The following GALNT18 variants were observed in gnomAD, a reference collection of about 807,000 sequenced individuals.
GALNT18 encodes polypeptide N-acetylgalactosaminyltransferase 18.
GALNT18 carries 44 observed loss-of-function variants against 69.5 expected under a neutral mutation model. The observed-to-expected ratio is 0.63, with a 90% CI of 0.50 to 0.81. The LOEUF (loss-of-function observed/expected upper bound fraction) is 0.81, where lower values mean the gene tolerates loss of function less well. GALNT18 is among the 40% of genes least tolerant of loss of function. The pLI is 0.00. For synonymous variants in GALNT18, 364 were observed against 318.2 expected, an observed-to-expected ratio of 1.14 and a Z score of -1.53; for missense variants, 715 against 810.0, an observed-to-expected ratio of 0.88 and a Z score of 1.42.
At position 11,454,959 on chromosome 11, in the gene GALNT18, A is replaced by C. The variant is rs532371766; in HGVS notation, c.236-6023T>G. On this transcript the variant is annotated intron_variant, in intron 1 of 10. Coordinates refer to ENST00000227756, the MANE Select transcript of GALNT18 (RefSeq NM_198516.3). This position sits in a 1 kb window ranked among gnomAD's most constrained non-coding sequence, Gnocchi z 4.2. ...ATGACATTTCTGACATTAACAGGCAAACAGGCTGACTCCTTCCTCATTGTT... is the reference window on the plus strand; with the variant it reads ...ATGACATTTCTGACATTAACAGGCACACAGGCTGACTCCTTCCTCATTGTT... Among the ~76,000 whole-genome samples, 5 of 152,342 alleles carry C rather than the reference A, an allele frequency of 3.3e-5. No individual in the cohort carries two copies. Among genetic ancestry groups the C allele is most frequent in the South Asian group, 2.1e-4 (1 of 4,830 alleles).
In GALNT18 at chr11:11,598,455, C is replaced by T. The variant is rs1859554820; in HGVS notation, c.235+22904G>A. Among the ~76,000 whole-genome samples the T allele has an allele frequency of 2.0e-5, 3 of 152,160 alleles. No individual in the cohort carries two copies. The highest frequency in any genetic ancestry group is 6.5e-5 in the Admixed American group (1 of 15,274). On this transcript the variant is annotated intron_variant, in intron 1 of 10. Transcript: ENST00000227756. This position sits in a 1 kb window ranked among gnomAD's most constrained non-coding sequence, Gnocchi z 4.8. ...CATTCCTTGATTTGTGATTGCATCA[C>T]TCCAAAATCAGCCTTCATTTTCATG...
chr11:11,341,070 G>A lies in GALNT18; in HGVS notation c.1093-66C>T. 1.4e-6 allele frequency: 2 copies of A among 1,467,626 alleles called. No individual in the cohort carries two copies. The highest frequency in any genetic ancestry group is 1.8e-6 in the Non-Finnish European group (2 of 1,087,056). 90.9% of individuals were successfully genotyped at this position (1,467,626 alleles called of 1,614,324 possible). A position where few individuals can be genotyped will look rare whatever the true frequency, so the allele number is the denominator to read the frequency against. ...TCTGCCTTTCTACACCAGGCCTCAG[G>A]CAGCCACTTGACATGAGCAGGAAGA... is the stretch of plus-strand genomic sequence containing the variant. On this transcript the variant is annotated intron_variant, in intron 6 of 10. Coordinates refer to ENST00000227756, the MANE Select transcript of GALNT18 (RefSeq NM_198516.3). This position sits in a 1 kb window ranked among gnomAD's most constrained non-coding sequence, Gnocchi z 6.3.
At chr11:11,352,985 T>C (rs1167081460) in intron 6 of GALNT18, 1 of 1,614,124 alleles carries the variant, frequency 6.2e-7, no homozygotes, top group African/African-American at 1.3e-5. Context: ...TACCTCGGCC[T>C]AATTTTCGAA....
chr11:11,485,043 A>G (rs1367837642), intron 1 of GALNT18, among the ~76,000 whole-genome samples: 1 of 152,238 alleles, frequency 6.6e-6, no homozygotes, highest in African/African-American at 2.4e-5. Flanking sequence ...ACATGTGATC[A>G]TCATGCCAAT....
intron 9 of GALNT18, among the ~76,000 whole-genome samples, chr11:11,313,596 A>T (rs1367530293): frequency 6.6e-6 from 1 of 152,146 alleles, no homozygotes; most frequent in South Asian, 2.1e-4. Flanking sequence ...CTCTGTCTAG[A>T]GAACTTCCTG....
At chr11:11,390,428 G>A (rs769594340) in intron 3 of GALNT18, among the ~76,000 whole-genome samples, 1 of 152,176 alleles carries the variant, frequency 6.6e-6, no homozygotes, top group Non-Finnish European at 1.5e-5. Context: ...CATACACCAG[G>A]CAACCAGTGA....
Position 11,465,446 on chromosome 11 carries a change from CGG to C in GALNT18, c.236-16512_236-16511del, listed in dbSNP as rs1389812769. Among the ~76,000 whole-genome samples, 4 of 152,046 alleles carry C rather than the reference CGG, an allele frequency of 2.6e-5. No individual in the cohort carries two copies. Among genetic ancestry groups the C allele is most frequent in the Non-Finnish European group, 5.9e-5 (4 of 68,012 alleles). On this transcript the variant is annotated intron_variant, in intron 1 of 10. Coordinates refer to ENST00000227756, the MANE Select transcript of GALNT18 (RefSeq NM_198516.3). The surrounding 1 kb of genome is among the most constrained non-coding windows in gnomAD (Gnocchi z 5.7). ...GTGCTGCTCCTCCAGGCTGCACGGA[CGG>C]TGTCACGCTGCCCTCTGATCCTGGG... is the stretch of plus-strand genomic sequence containing the variant.
At position 11,584,395 on chromosome 11, in the gene GALNT18, T is replaced by C. The variant is rs759903891; in HGVS notation, c.235+36964A>G. Among the ~76,000 whole-genome samples the C allele has an allele frequency of 2.0e-5, 3 of 152,166 alleles. No individual in the cohort carries two copies. The highest frequency in any genetic ancestry group is 4.4e-5 in the Non-Finnish European group (3 of 68,030). ...AAAGTAAACAGGAACCTTGGAGCCA[T>C]CAGGTTACTGTTGGAAAGCTGATGG... On this transcript the variant is annotated intron_variant, in intron 1 of 10. Coordinates refer to ENST00000227756, the MANE Select transcript of GALNT18 (RefSeq NM_198516.3). This position sits in a 1 kb window ranked among gnomAD's most constrained non-coding sequence, Gnocchi z 4.1.
At chr11:11,295,443 G>A (rs77977674) in intron 9 of GALNT18, among the ~76,000 whole-genome samples, 7,407 of 151,666 alleles carry the variant, frequency 0.049, 197 homozygotes, top group Middle Eastern at 0.088. Flanking sequence ...TCACCAGAAC[G>A]TGTAAGAGAA....
chr11:11,614,828 A>C lies in GALNT18; in HGVS notation c.235+6531T>G, dbSNP rs12225713. ...TCTCCACCAACCTACTTATCAAGGG[A>C]AAATAACAATTTATGTCAAGTGAGT... is the stretch of plus-strand genomic sequence containing the variant. On this transcript the variant is annotated intron_variant, in intron 1 of 10. Coordinates refer to ENST00000227756, the MANE Select transcript of GALNT18 (RefSeq NM_198516.3). The surrounding 1 kb of genome is among the most constrained non-coding windows in gnomAD (Gnocchi z 5.6). Among the ~76,000 whole-genome samples the C allele has an allele frequency of 0.22, 33,156 of 152,028 alleles. 3,684 individuals carry two copies. Among genetic ancestry groups the C allele is most frequent in the African/African-American group, 0.26 (10,669 of 41,510 alleles).
In GALNT18 at chr11:11,542,176, C is replaced by G. The variant is rs1457320658; in HGVS notation, c.235+79183G>C. Among the ~76,000 whole-genome samples, 1 of 152,182 alleles carries G rather than the reference C, an allele frequency of 6.6e-6. No individual in the cohort carries two copies. Among genetic ancestry groups the G allele is most frequent in the Non-Finnish European group, 1.5e-5 (1 of 68,036 alleles). On this transcript the variant is annotated intron_variant, in intron 1 of 10. Transcript: ENST00000227756. The surrounding 1 kb of genome is among the most constrained non-coding windows in gnomAD (Gnocchi z 4.3). ...AAGCTTATTTACTGACCATTAAAGACTTTGCCCAAAGGCTGTGGCTGCGTC... is the reference window on the plus strand; with the variant it reads ...AAGCTTATTTACTGACCATTAAAGAGTTTGCCCAAAGGCTGTGGCTGCGTC...
intron 3 of GALNT18, among the ~76,000 whole-genome samples, chr11:11,401,325 TC>T (rs1225598119): frequency 6.6e-6 from 1 of 152,210 alleles, no homozygotes; most frequent in African/African-American, 2.4e-5. Flanking sequence ...AAACTCATGA[TC>T]AACCTCCTGG....
Position 11,621,708 on chromosome 11 carries a change from T to A in GALNT18, c.-115A>T. ...CGGAGCCGCTGGGCACCTCAGCACC[T>A]GAGTCCCGAGGTTCTCCAAAGCCCG... On this transcript the variant is annotated 5_prime_UTR_variant, in exon 1 of 11. Coordinates refer to ENST00000227756, the MANE Select transcript of GALNT18 (RefSeq NM_198516.3). This position sits in a 1 kb window ranked among gnomAD's most constrained non-coding sequence, Gnocchi z 9.3. The A allele has an allele frequency of 1.3e-6, 1 of 743,554 alleles. No homozygotes were observed. The highest frequency in any genetic ancestry group is 1.8e-5 in the African/African-American group (1 of 56,994). 46.1% of individuals were successfully genotyped at this position (743,554 alleles called of 1,614,324 possible).
At chr11:11,520,457 C>T (rs1419885016) in intron 1 of GALNT18, among the ~76,000 whole-genome samples, 1 of 152,222 alleles carries the variant, frequency 6.6e-6, no homozygotes, top group African/African-American at 2.4e-5. Context: ...CATTCCCCTG[C>T]CCCAGCATGT....
At chr11:11,423,868 T>G (rs2133779456) in intron 3 of GALNT18, among the ~76,000 whole-genome samples, 1 of 152,354 alleles carries the variant, frequency 6.6e-6, no homozygotes, top group African/African-American at 2.4e-5. Flanking sequence ...CATACCACCA[T>G]CATATGGCAC....
At chr11:11,425,616 CTTT>C (rs56151020) in intron 3 of GALNT18, among the ~76,000 whole-genome samples, 1 of 149,702 alleles carries the variant, frequency 6.7e-6, no homozygotes, top group Non-Finnish European at 1.5e-5. Context: ...GCAAAGAAAA[CTTT>C]TTTTTTTTCC....
chr11:11,552,336 C>T (rs1251246001), intron 1 of GALNT18, among the ~76,000 whole-genome samples: 1 of 152,198 alleles, frequency 6.6e-6, no homozygotes, highest in East Asian at 1.9e-4. Flanking sequence ...CTACCCCATT[C>T]TTTCAGACAT....
chr11:11,507,586 T>C (rs886994889), intron 1 of GALNT18, among the ~76,000 whole-genome samples: 11 of 152,248 alleles, frequency 7.2e-5, no homozygotes, highest in African/African-American at 2.4e-4. Context: ...TGCACAAAGA[T>C]TAAAGTGTGA....
chr11:11,612,070 G>A (rs1407590381), intron 1 of GALNT18, among the ~76,000 whole-genome samples: 1 of 152,070 alleles, frequency 6.6e-6, no homozygotes, highest in East Asian at 1.9e-4. Context: ...CTATTCTGTA[G>A]AGAGCATTGG....
Sources: allele counts gnomAD v4.1 joint callset (sites outside exome capture counted in the v4.1 genomes callset), GRCh38; gene constraint gnomAD v4.1.1; non-coding constraint Gnocchi (gnomAD v3.1); transcripts MANE v1.5; gene names NCBI Gene and HGNC (gene_info 2026-07-23, HGNC 2026-07-21).